Variants in NSMF observed in about 807,000 individuals in gnomAD.
NSMF encodes NMDA receptor synaptonuclear signaling and neuronal migration factor.
NSMF carries 31 observed loss-of-function variants against 71.0 expected under a neutral mutation model. The ratio of observed to expected loss-of-function variants is 0.44; its 90% confidence interval spans 0.33 to 0.59. The LOEUF is 0.59. Among genes scored for constraint, NSMF ranks in the 20% least tolerant of loss-of-function variants. The probability of loss-of-function intolerance (pLI) is 0.04; values close to 1 mark genes in which losing one functional copy is unlikely to be tolerated. For missense variants in NSMF, 673 were observed against 740.5 expected, an observed-to-expected ratio of 0.91 and a Z score of 1.06; for synonymous variants, 345 against 287.1, an observed-to-expected ratio of 1.20 and a Z score of -2.04.
chr9:137,456,212 G>A (rs982668852), intron 4 of NSMF, among the ~76,000 whole-genome samples, 199 bp downstream of exon 4: 18 of 152,132 alleles, frequency 1.2e-4, no homozygotes, highest in East Asian at 1.9e-4. Context: ...GTGTGTGGGG[G>A]GGGGGGCTGG....
In NSMF at chr9:137,453,605, A is replaced by T; in HGVS notation, c.922+126T>A. 1.4e-6 allele frequency: 1 copy of T among 720,894 alleles called. No individual in the cohort carries two copies. The highest frequency in any genetic ancestry group is 2.2e-6 in the Non-Finnish European group (1 of 446,646). The allele number at this position is 720,894 out of a possible 1,614,324, so 44.7% of individuals were successfully genotyped here. A position where few individuals can be genotyped will look rare whatever the true frequency, so the allele number is the denominator to read the frequency against. On this transcript the variant is annotated intron_variant, in intron 8 of 15. Coordinates refer to ENST00000371475, the MANE Select transcript of NSMF (RefSeq NM_001130969.3). This position sits in a 1 kb window ranked among gnomAD's most constrained non-coding sequence, Gnocchi z 4.5. ...TGCTGAGGGCGTCCCCATCTCACAA[A>T]CAGGTAAACCAAGATTCAGGAGTGC...
intron 6 of NSMF, 134 bp downstream of exon 6, chr9:137,455,105 C>T (rs1830765020): frequency 1.0e-6 from 1 of 974,184 alleles, no homozygotes; most frequent in Non-Finnish European, 1.6e-6. Context: ...CTGCCTGCCA[C>T]GTCCCCAGAG....
chr9:137,449,213 C>G lies in NSMF; in HGVS notation c.*181G>C. 1.6e-6 allele frequency: 1 copy of G among 625,258 alleles called. No individual in the cohort carries two copies. The highest frequency in any genetic ancestry group is 2.9e-6 in the Non-Finnish European group (1 of 347,880). 38.7% of individuals were successfully genotyped at this position (625,258 alleles called of 1,614,324 possible). Reference sequence around the variant, plus strand: ...CGGCCCCCAGGGACTGCAGCCTCTGCGGCCACGGGTGCAGCGAGGACCGGA... The same window carrying G: ...CGGCCCCCAGGGACTGCAGCCTCTGGGGCCACGGGTGCAGCGAGGACCGGA... On this transcript the variant is annotated 3_prime_UTR_variant, in exon 16 of 16. Coordinates refer to ENST00000371475, the MANE Select transcript of NSMF (RefSeq NM_001130969.3).
At chr9:137,454,897 C>T (rs1830753894) in intron 6 of NSMF, 1 of 362,066 alleles carries the variant, frequency 2.8e-6, no homozygotes, top group Non-Finnish European at 3.8e-6. Context: ...AGGGGCAGGT[C>T]CTCTCCTCCA....
chr9:137,449,556 C>G, intron 15 of NSMF, 43 bp downstream of exon 15: 1 of 1,610,286 alleles, frequency 6.2e-7, no homozygotes, highest in Non-Finnish European at 8.5e-7. Flanking sequence ...CCACCGTGGC[C>G]CCGCAGTGGC....
chr9:137,458,562 A>G lies in NSMF; in HGVS notation c.72-13T>C. The G allele has an allele frequency of 1.3e-6, 2 of 1,589,154 alleles. No individual in the cohort carries two copies. The highest frequency in any genetic ancestry group is 1.7e-6 in the Non-Finnish European group (2 of 1,170,012). ...CGCTCGGGCTGCTCTGAGGGTGGAC[A>G]GAGGGCACGGTCAGAGGCCACGGCA... On this transcript the variant is annotated splice_polypyrimidine_tract_variant and intron_variant, in intron 1 of 15. Transcript: ENST00000371475.
In NSMF at chr9:137,449,478, G is replaced by A. The variant is rs369477518; in HGVS notation, c.1509C>T (p.Ile503=). 3.9e-5 allele frequency: 63 copies of A among 1,612,754 alleles called. No individual in the cohort carries two copies. The highest frequency in any genetic ancestry group is 5.0e-5 in the Non-Finnish European group (59 of 1,179,932). The part of the protein sequence containing the change: ...LELSAQGKQM[I]ETYFDFRLYR... The stretch of plus-strand genomic sequence containing the variant: ...ACAACCGGAAGTCAAAGTACGTCTC[G>A]ATCATCTGCTTCCCTGGGCGGAGCG... The change falls in exon 16 of 16, where the codon ATC becomes ATT. Residue 503 remains isoleucine, a synonymous_variant. Coordinates refer to ENST00000371475, the MANE Select transcript of NSMF (RefSeq NM_001130969.3).
In NSMF at chr9:137,458,537, C is replaced by T. The variant is rs1333579796; in HGVS notation, c.84G>A (p.Ala28=). 2 of 1,598,118 alleles carry T rather than the reference C, an allele frequency of 1.3e-6. No homozygotes were observed. Among genetic ancestry groups the T allele is most frequent in the Non-Finnish European group, 1.7e-6 (2 of 1,174,138 alleles). ...SVAAKVRAAR[A]FGEYLSQSHP... Reference sequence around the variant, plus strand: ...GACTCTGGGACAGGTACTCTCCAAACGCTCGGGCTGCTCTGAGGGTGGACA... The same window carrying T: ...GACTCTGGGACAGGTACTCTCCAAATGCTCGGGCTGCTCTGAGGGTGGACA... The change falls in exon 2 of 16, where the codon GCG becomes GCA. Residue 28 remains alanine, a synonymous_variant. Coordinates refer to ENST00000371475, the MANE Select transcript of NSMF (RefSeq NM_001130969.3).
Position 137,450,184 on chromosome 9 carries a change from G to A in NSMF, c.1308C>T (p.Asp436=), listed in dbSNP as rs1462429968. ...ATFAKVEKEE[D]MIHFWKRLSR... Reference sequence around the variant, plus strand: ...GGCACCCGGCTTCTCACTGAATCATGTCCTCTTCCTTCTCCACTTTGGCAA... The same window carrying A: ...GGCACCCGGCTTCTCACTGAATCATATCCTCTTCCTTCTCCACTTTGGCAA... The change falls in exon 13 of 16, where the codon GAC becomes GAT. Residue 436 remains aspartate, a synonymous_variant. Transcript: ENST00000371475. The A allele has an allele frequency of 1.2e-6, 2 of 1,613,254 alleles. No individual in the cohort carries two copies. The highest frequency in any genetic ancestry group is 2.7e-5 in the African/African-American group (2 of 74,878).
At chr9:137,455,422 C>T (rs28585539) in intron 5 of NSMF, 115 bp from the exon 6 acceptor site, 4 of 1,242,782 alleles carry the variant, frequency 3.2e-6, no homozygotes, top group Non-Finnish European at 4.6e-6. Context: ...CGGGGCCCGG[C>T]AGAGGAGTCC....
In NSMF at chr9:137,453,442, G is replaced by T; in HGVS notation, c.923-262C>A. ...TCAGCTCCAGCCAAGTCCGCCGGGCGCCTGGGAGGGAGTGGGGGCGGGCAC... is the reference window on the plus strand; with the variant it reads ...TCAGCTCCAGCCAAGTCCGCCGGGCTCCTGGGAGGGAGTGGGGGCGGGCAC... On this transcript the variant is annotated intron_variant, in intron 8 of 15. Coordinates refer to ENST00000371475, the MANE Select transcript of NSMF (RefSeq NM_001130969.3). The surrounding 1 kb of genome is among the most constrained non-coding windows in gnomAD (Gnocchi z 4.5). 1.6e-6 allele frequency: 1 copy of T among 606,460 alleles called. No homozygotes were observed. Among genetic ancestry groups the T allele is most frequent in the Non-Finnish European group, 2.9e-6 (1 of 345,602 alleles). 37.6% of individuals were successfully genotyped at this position (606,460 alleles called of 1,614,324 possible).
chr9:137,454,768 TG>T, intron 6 of NSMF: 1 of 1,417,682 alleles, frequency 7.1e-7, no homozygotes, highest in Non-Finnish European at 9.3e-7. Flanking sequence ...CACGCCCATG[TG>T]GCAGAGGATC....
In NSMF at chr9:137,457,266, C is replaced by T. The variant is rs150635152; in HGVS notation, c.628+141G>A. 6.2e-4 allele frequency: 767 copies of T among 1,235,982 alleles called. 4 individuals are homozygous for T. Among genetic ancestry groups the T allele is most frequent in the African/African-American group, 3.7e-3 (246 of 67,080 alleles). 76.6% of individuals were successfully genotyped at this position (1,235,982 alleles called of 1,614,324 possible). A position where few individuals can be genotyped will look rare whatever the true frequency, so the allele number is the denominator to read the frequency against. On this transcript the variant is annotated intron_variant, in intron 3 of 15. Transcript: ENST00000371475. ...TGTGGAGGCCGCAGCAGAAGCCTGCCGGTTTTAATCTTGAGTCCGCTGGCA... is the reference window on the plus strand; with the variant it reads ...TGTGGAGGCCGCAGCAGAAGCCTGCTGGTTTTAATCTTGAGTCCGCTGGCA...
rs147623980 is a variant in NSMF, at chr9:137,447,909, G to C, written c.*1485C>G. The stretch of plus-strand genomic sequence containing the variant: ...GGCCACACTGCTGACTGCACACACA[G>C]TGTGGCGTGAGGGACATACAGCCCT... On this transcript the variant is annotated 3_prime_UTR_variant, in exon 16 of 16. Transcript: ENST00000371475. The C allele has an allele frequency of 9.8e-5, 15 of 152,320 alleles. No homozygotes were observed. In the East Asian group the frequency reaches 2.5e-3, roughly 26 times the overall value. The allele number at this position is 152,320 out of a possible 1,614,324, so 9.4% of individuals were successfully genotyped here. A position where few individuals can be genotyped will look rare whatever the true frequency, so the allele number is the denominator to read the frequency against.
chr9:137,449,578 G>A (rs776144761), intron 15 of NSMF, 21 bp downstream of exon 15: 31 of 1,611,352 alleles, frequency 1.9e-5, no homozygotes, highest in Middle Eastern at 1.6e-4. Context: ...GCAGAGCTTC[G>A]GCCCAGCCTG....
chr9:137,449,588 G>T lies in NSMF; in HGVS notation c.1495+11C>A. ...TGGCTGCAGAGCTTCGGCCCAGCCTGGGTAACTCACCTTGGGCTGAGAGCT... is the reference window on the plus strand; with the variant it reads ...TGGCTGCAGAGCTTCGGCCCAGCCTTGGTAACTCACCTTGGGCTGAGAGCT... On this transcript the variant is annotated intron_variant, in intron 15 of 15. Coordinates refer to ENST00000371475, the MANE Select transcript of NSMF (RefSeq NM_001130969.3). 1 of 1,611,930 alleles carries T rather than the reference G, an allele frequency of 6.2e-7. No homozygotes were observed. Among genetic ancestry groups the T allele is most frequent in the South Asian group, 1.1e-5 (1 of 90,970 alleles).
At chr9:137,455,493 G>T in intron 5 of NSMF, 136 bp downstream of exon 5, 1 of 1,214,038 alleles carries the variant, frequency 8.2e-7, no homozygotes, top group Non-Finnish European at 1.2e-6. Context: ...CTCGGTGCCC[G>T]CTGGGAGCCA....
Position 137,457,587 on chromosome 9 carries a change from C to T in NSMF, c.448G>A (p.Val150Ile), listed in dbSNP as rs1392753232. ...RASPGGSRED[V>I]SRPCQSWAGS... ...GCCCAGCTCTGGCAGGGCCTGCTGA[C>T]GTCCTCCCGGCTGCCACCAGGGCTG... Residue 150 changes from valine (V) to isoleucine (I), a missense_variant, in exon 3 of 16, where the codon GTC becomes ATC. Transcript: ENST00000371475. The T allele has an allele frequency of 3.2e-6, 5 of 1,564,052 alleles. No homozygotes were observed. Among genetic ancestry groups the T allele is most frequent in the Admixed American group, 1.9e-5 (1 of 52,854 alleles).
Position 137,449,351 on chromosome 9 carries a change from A to G in NSMF, c.*43T>C. ...GCGGCCCAGCCCCAGGTCCCGGTGC[A>G]GAGGGAGTGGCCTGATGGTGACTGG... On this transcript the variant is annotated 3_prime_UTR_variant, in exon 16 of 16. Transcript: ENST00000371475. 1 of 1,538,054 alleles carries G rather than the reference A, an allele frequency of 6.5e-7. No homozygotes were observed. The highest frequency in any genetic ancestry group is 1.1e-5 in the South Asian group (1 of 89,252).
Sources: gnomAD v4.1 joint callset for allele counts (sites outside exome capture counted in the v4.1 genomes callset) on GRCh38, gnomAD v4.1.1 for gene constraint, Gnocchi (gnomAD v3.1) non-coding constraint, MANE v1.5 for transcripts, NCBI Gene and HGNC (gene_info 2026-07-23, HGNC 2026-07-21) for gene names.